CNTN1: variants seen among roughly 807,000 people sequenced by gnomAD.
CNTN1 encodes the protein contactin-1.
In CNTN1, 38 loss-of-function variants were observed where a neutral mutation model predicts 126.4. The observed-to-expected ratio is 0.30, with a 90% CI of 0.23 to 0.39. CNTN1 has a LOEUF of 0.39. Among genes scored for constraint, CNTN1 ranks in the 10% least tolerant of loss-of-function variants. The probability of loss-of-function intolerance (pLI) is 1.00; values close to 1 mark genes in which losing one functional copy is unlikely to be tolerated. For missense variants in CNTN1, 1,009 were observed against 1,248.4 expected, an observed-to-expected ratio of 0.81 and a Z score of 2.89; for synonymous variants, 413 against 422.6, an observed-to-expected ratio of 0.98 and a Z score of 0.28.
chr12:40,999,941 C>G (rs568094487), intron 17 of CNTN1, among the ~76,000 whole-genome samples: 19 of 151,948 alleles, frequency 1.3e-4, no homozygotes, highest in African/African-American at 4.1e-4. Context: ...CTCCTGACCT[C>G]GTGATCCGCC....
chr12:40,699,354 A>G lies in CNTN1; in HGVS notation c.-77+6762A>G, dbSNP rs139343863. Among the ~76,000 whole-genome samples, 1,315 of 152,328 alleles carry G rather than the reference A, an allele frequency of 8.6e-3. 21 individuals carry two copies. Among genetic ancestry groups the G allele is most frequent in the African/African-American group, 0.03 (1,237 of 41,572 alleles). On this transcript the variant is annotated intron_variant, in intron 1 of 23. Transcript: ENST00000551295. ...ATCAATAAAAGCTAAAAATTATGTC[A>G]ATCTTCACAATATTTCAAAAATTAA... is the stretch of plus-strand genomic sequence containing the variant.
Position 40,727,407 on chromosome 12 carries a change from C to T in CNTN1, c.-77+34815C>T, listed in dbSNP as rs112618779. 2.1e-3 allele frequency among the ~76,000 whole-genome samples: 310 copies of T among 150,590 alleles called. 1 individual carries two copies. Among genetic ancestry groups the T allele is most frequent in the African/African-American group, 7.1e-3 (293 of 41,044 alleles). ...GAGGATACATGGAATGTAGAGGATT[C>T]GTTTTATAAATGGTAAGAAAATGTA... is the stretch of plus-strand genomic sequence containing the variant. On this transcript the variant is annotated intron_variant, in intron 1 of 23. Transcript: ENST00000551295.
intron 1 of CNTN1, among the ~76,000 whole-genome samples, chr12:40,864,313 C>G (rs759028880): frequency 6.6e-6 from 1 of 151,956 alleles, no homozygotes; most frequent in Non-Finnish European, 1.5e-5. Flanking sequence ...AACCACCATG[C>G]CCAGACCTAT....
intron 17 of CNTN1, among the ~76,000 whole-genome samples, chr12:41,006,216 A>G (rs554464895): frequency 5.3e-5 from 8 of 152,300 alleles, no homozygotes; most frequent in East Asian, 1.9e-4. Flanking sequence ...ACTGCATGCT[A>G]TAACTCTGGG....
At chr12:40,734,864 G>A (rs1470574223) in intron 1 of CNTN1, among the ~76,000 whole-genome samples, 1 of 152,030 alleles carries the variant, frequency 6.6e-6, no homozygotes, top group Non-Finnish European at 1.5e-5. Flanking sequence ...ATTGATTTTG[G>A]AGGTGTTTTC....
intron 1 of CNTN1, among the ~76,000 whole-genome samples, chr12:40,749,549 G>T (rs1375891316): frequency 1.2e-4 from 12 of 96,738 alleles, no homozygotes; most frequent in African/African-American, 3.7e-4. Context: ...CTAGGGTGAG[G>T]TCATAAAGAA....
intron 16 of CNTN1, among the ~76,000 whole-genome samples, chr12:40,984,124 T>C (rs1452748938): frequency 2.0e-5 from 3 of 151,020 alleles, no homozygotes; most frequent in African/African-American, 7.3e-5. Flanking sequence ...TATAAATATA[T>C]ATATTACATC....
At chr12:40,903,716 C>T (rs974925868) in intron 1 of CNTN1, among the ~76,000 whole-genome samples, 8 of 152,048 alleles carry the variant, frequency 5.3e-5, no homozygotes, top group African/African-American at 1.9e-4. Flanking sequence ...AAATTACATG[C>T]TGCTGGGGGA....
chr12:40,772,482 G>A (rs570402451), intron 1 of CNTN1, among the ~76,000 whole-genome samples: 17 of 151,958 alleles, frequency 1.1e-4, no homozygotes, highest in Admixed American at 8.5e-4. Context: ...AAATAGAGGG[G>A]AGATATTAAT....
chr12:40,811,403 G>A (rs902354257), intron 1 of CNTN1, among the ~76,000 whole-genome samples: 1 of 152,084 alleles, frequency 6.6e-6, no homozygotes, highest in Non-Finnish European at 1.5e-5. Flanking sequence ...TTTGGTATAA[G>A]GATAAAGCTG....
chr12:40,999,535 G>A (rs974460832), intron 17 of CNTN1, among the ~76,000 whole-genome samples: 5 of 151,996 alleles, frequency 3.3e-5, no homozygotes, highest in Non-Finnish European at 7.4e-5. Flanking sequence ...TCAGATTCAT[G>A]TTAAATATGT....
rs57273919 is a variant in CNTN1 at position 40,737,359 on chromosome 12, G to GTA, written c.-77+44789_-77+44790dup. ...TGTGTGTGTGTATATATGTGTGTGT[G>GTA]TATATATATATATATATATATATGA... is the stretch of plus-strand genomic sequence containing the variant. On this transcript the variant is annotated intron_variant, in intron 1 of 23. Transcript: ENST00000551295. Among the ~76,000 whole-genome samples, 862 of 113,244 alleles carry GTA rather than the reference G, an allele frequency of 7.6e-3. 7 individuals carry two copies. The highest frequency in any genetic ancestry group is 0.018 in the African/African-American group (544 of 29,758). 74.3% of individuals were successfully genotyped at this position (113,244 alleles called of 152,430 possible).
At chr12:40,974,335 C>T (rs1947612350) in intron 15 of CNTN1, among the ~76,000 whole-genome samples, 1 of 151,910 alleles carries the variant, frequency 6.6e-6, no homozygotes, top group Non-Finnish European at 1.5e-5. Context: ...CATGATTGGC[C>T]AGGCATGATG....
At chr12:40,776,524 A>G (rs1382126508) in intron 1 of CNTN1, among the ~76,000 whole-genome samples, 2 of 151,500 alleles carry the variant, frequency 1.3e-5, no homozygotes, top group Non-Finnish European at 3.0e-5. Flanking sequence ...TATATTTTGA[A>G]TTGCTCCTTT....
intron 1 of CNTN1, among the ~76,000 whole-genome samples, chr12:40,878,112 C>T (rs1410942627): frequency 1.3e-5 from 2 of 150,650 alleles, no homozygotes; most frequent in Non-Finnish European, 2.9e-5. Flanking sequence ...ATTCTCCTGC[C>T]TCAGCCTCCC....
intron 15 of CNTN1, among the ~76,000 whole-genome samples, chr12:40,970,957 T>C (rs1181705167): frequency 6.6e-6 from 1 of 152,174 alleles, no homozygotes; most frequent in East Asian, 1.9e-4. Context: ...TATATCGACA[T>C]AAGAAATAAA....
intron 1 of CNTN1, among the ~76,000 whole-genome samples, chr12:40,761,517 G>A (rs1938864850): frequency 6.6e-6 from 1 of 151,974 alleles, no homozygotes; most frequent in South Asian, 2.1e-4. Context: ...GTGGACATGT[G>A]GCATTAAAAC....
intron 1 of CNTN1, among the ~76,000 whole-genome samples, chr12:40,813,346 A>T (rs10784883): frequency 6.6e-6 from 1 of 151,142 alleles, no homozygotes; most frequent in Non-Finnish European, 1.5e-5. Context: ...CCTCCCCTCA[A>T]CCCCCAACCC....
rs71078286 is a variant in CNTN1 at position 40,951,715 on chromosome 12, T to TA, written c.1684-7372dup. ...AAGAGTGAGACTTTGTCTCAAAATT[T>TA]AAAAAAAAAAAAAAAAAAAAAAAAA... On this transcript the variant is annotated intron_variant, in intron 14 of 23. Coordinates refer to ENST00000551295, the MANE Select transcript of CNTN1 (RefSeq NM_001843.4). 7.9e-3 allele frequency among the ~76,000 whole-genome samples: 870 copies of TA among 109,918 alleles called. 27 individuals carry two copies. Among genetic ancestry groups the TA allele is most frequent in the East Asian group, 0.016 (56 of 3,508 alleles). The allele number at this position is 109,918 out of a possible 152,430, so 72.1% of individuals were successfully genotyped here.
Sources: gnomAD v4.1 joint callset for allele counts (sites outside exome capture counted in the v4.1 genomes callset) on GRCh38, gnomAD v4.1.1 for gene constraint, MANE v1.5 for transcripts, NCBI Gene and HGNC (gene_info 2026-07-23, HGNC 2026-07-21) for gene names.